Variants in AKNA observed in about 807,000 individuals in gnomAD.
AKNA encodes microtubule organization protein AKNA.
Under a neutral mutation model 138.8 loss-of-function variants are expected in AKNA, and 67 were observed. That is an observed-to-expected ratio of 0.48 (90% CI 0.40 to 0.59). The LOEUF (loss-of-function observed/expected upper bound fraction) is 0.59, where lower values mean the gene tolerates loss of function less well. Ranked by LOEUF, AKNA falls within the 20% of genes least tolerant of loss-of-function variation. The pLI, the probability that AKNA is intolerant of heterozygous loss-of-function variation, is 0.00. For missense variants in AKNA, 1,813 were observed against 1,880.4 expected, an observed-to-expected ratio of 0.96 and a Z score of 0.66; for synonymous variants, 737 against 754.4, an observed-to-expected ratio of 0.98 and a Z score of 0.38.
intron 4 of AKNA, among the ~76,000 whole-genome samples, chr9:114,373,885 C>CAAAAAAA (rs758805914): frequency 6.3e-5 from 5 of 78,998 alleles, no homozygotes; most frequent in East Asian, 3.7e-4. Context: ...GACCCTGACT[C>CAAAAAAA]AAAAAAAAAA....
rs1312659281 is a variant in AKNA at position 114,336,550 on chromosome 9, C to T, written c.*504G>A. The T allele has an allele frequency of 6.5e-6, 1 of 153,882 alleles. No homozygotes were observed. The highest frequency in any genetic ancestry group is 1.4e-5 in the Non-Finnish European group (1 of 69,218). The allele number at this position is 153,882 out of a possible 1,614,324, so 9.5% of individuals were successfully genotyped here. A position where few individuals can be genotyped will look rare whatever the true frequency, so the allele number is the denominator to read the frequency against. On this transcript the variant is annotated 3_prime_UTR_variant, in exon 22 of 22. Transcript: ENST00000374088. ...CTAAAATGCCCCACTGACTACCAGT[C>T]ACTAGGAGAAAGGTCTCCGGCTATG... is the stretch of plus-strand genomic sequence containing the variant.
chr9:114,381,280 G>A lies in AKNA; in HGVS notation c.54C>T (p.Gly18=), dbSNP rs373317624. The A allele has an allele frequency of 1.2e-6, 2 of 1,612,084 alleles. No homozygotes were observed. The highest frequency in any genetic ancestry group is 2.7e-5 in the African/African-American group (2 of 74,858). ...IRWAEPGLGK[G]PQRRRWAWAE... ...CCCAGGCCCAGCGCCGCCGCTGGGG[G>A]CCCTTCCCCAGGCCAGGCTCAGCCC... is the stretch of plus-strand genomic sequence containing the variant. Residue 18 remains glycine, a synonymous_variant, in exon 2 of 22, where the codon GGC becomes GGT. Transcript: ENST00000374088.
chr9:114,381,823 G>A (rs1367588288), intron 1 of AKNA, among the ~76,000 whole-genome samples: 1 of 151,960 alleles, frequency 6.6e-6, no homozygotes, highest in African/African-American at 2.4e-5. Flanking sequence ...ACCACACCCG[G>A]CTAATTTTTG....
rs1829919792 is a variant in AKNA, at chr9:114,334,402, G to T, written c.*2652C>A. ...GGCCAGGACAGGGCAGGGCAGGGAA[G>T]GGCTGGGGTGATGCAGAGGGCTTGG... On this transcript the variant is annotated 3_prime_UTR_variant, in exon 22 of 22. Coordinates refer to ENST00000374088, the MANE Select transcript of AKNA (RefSeq NM_001317950.2). The T allele has an allele frequency of 6.8e-6, 1 of 148,026 alleles. No homozygotes were observed. Among genetic ancestry groups the T allele is most frequent in the Non-Finnish European group, 1.4e-5 (1 of 72,274 alleles). The allele number at this position is 148,026 out of a possible 1,614,324, so 9.2% of individuals were successfully genotyped here.
Position 114,367,660 on chromosome 9 carries a change from C to T in AKNA, c.1611G>A (p.Ser537=), listed in dbSNP as rs146163104. ...ACCCCAGGGTGGGCATGCTGGTAAG[C>T]GAGGAGGGGCTCAAGTCTCCTCGAG... ...PSARGDLSPS[S]LTSMPTLGWL... The change falls in exon 6 of 22, where the codon TCG becomes TCA. Residue 537 remains serine (S), a synonymous_variant. Transcript: ENST00000374088. 38 of 1,595,418 alleles carry T rather than the reference C, an allele frequency of 2.4e-5. No individual in the cohort carries two copies. Among genetic ancestry groups the T allele is most frequent in the Middle Eastern group, 1.7e-4 (1 of 6,014 alleles).
chr9:114,343,806 G>A lies in AKNA; in HGVS notation c.3662-3C>T. ...GGACAGAACATGGTATTCGTGGCCT[G>A]GGGAAAGAAACCAGAACTGTCAGTA... On this transcript the variant is annotated splice_region_variant and splice_polypyrimidine_tract_variant and intron_variant, in intron 18 of 21. Transcript: ENST00000374088. 2 of 1,604,050 alleles carry A rather than the reference G, an allele frequency of 1.2e-6. No individual in the cohort carries two copies. Among genetic ancestry groups the A allele is most frequent in the Non-Finnish European group, 1.7e-6 (2 of 1,171,932 alleles).
At chr9:114,340,521 C>T (rs889421236) in intron 21 of AKNA, among the ~76,000 whole-genome samples, 22 of 152,216 alleles carry the variant, frequency 1.4e-4, no homozygotes, top group African/African-American at 4.8e-4. Context: ...CCAAATGGCA[C>T]CACAAACTCC....
At chr9:114,369,892 C>A (rs1832643223) in intron 4 of AKNA, among the ~76,000 whole-genome samples, 1 of 152,222 alleles carries the variant, frequency 6.6e-6, no homozygotes, top group Non-Finnish European at 1.5e-5. Flanking sequence ...TCATAACCAT[C>A]ACCGTCATCA....
intron 1 of AKNA, among the ~76,000 whole-genome samples, chr9:114,393,309 G>A (rs960318832): frequency 1.3e-5 from 2 of 150,128 alleles, no homozygotes; most frequent in Non-Finnish European, 3.0e-5. Context: ...TCCGCCTCCC[G>A]GGTTCATGCC....
intron 13 of AKNA, among the ~76,000 whole-genome samples, chr9:114,356,431 G>T (rs187062473): frequency 3.3e-5 from 5 of 152,168 alleles, no homozygotes; most frequent in Non-Finnish European, 7.4e-5. Flanking sequence ...GTTGCCATGT[G>T]GGCCTCCTGA....
upstream of AKNA, among the ~76,000 whole-genome samples, chr9:114,391,296 G>A (rs541911491): frequency 1.8e-4 from 28 of 152,334 alleles, no homozygotes; most frequent in Non-Finnish European, 3.5e-4. Flanking sequence ...ATAAAATCGA[G>A]AGTGGAGCTT....
Position 114,376,451 on chromosome 9 carries a change from A to C in AKNA, c.1341+15T>G. 6.2e-7 allele frequency: 1 copy of C among 1,613,596 alleles called. No homozygotes were observed. The highest frequency in any genetic ancestry group is 1.1e-5 in the South Asian group (1 of 91,068). ...GGGCCTTGGTGACACATCCACAGCC[A>C]TGAGTCCCACTAACCTGGAGCTGAT... On this transcript the variant is annotated intron_variant, in intron 3 of 21. Coordinates refer to ENST00000374088, the MANE Select transcript of AKNA (RefSeq NM_001317950.2).
rs145141930 is a variant in AKNA at position 114,361,145 on chromosome 9, C to T, written c.2124+559G>A. 2.1e-3 allele frequency among the ~76,000 whole-genome samples: 324 copies of T among 152,298 alleles called. 3 individuals carry two copies. In the Middle Eastern group the frequency reaches 0.037, roughly 18 times the overall value. ...GCAGAGTTTAAGGCCATGCTCTCTA[C>T]GTGACCCACAAGCCCCTACATCATG... On this transcript the variant is annotated intron_variant, in intron 9 of 21. Coordinates refer to ENST00000374088, the MANE Select transcript of AKNA (RefSeq NM_001317950.2).
At chr9:114,330,762 G>A (rs1360191119), downstream of AKNA, 2 of 1,611,430 alleles carry the variant, frequency 1.2e-6, no homozygotes, top group Non-Finnish European at 8.5e-7. Context: ...TAACATTACT[G>A]TTTTTCTTCC....
At chr9:114,395,167 C>T (rs1834493849), upstream of AKNA, among the ~76,000 whole-genome samples, 1 of 152,108 alleles carries the variant, frequency 6.6e-6, no homozygotes, top group Non-Finnish European at 1.5e-5. Context: ...TAGATCAGCC[C>T]TTTGCTGTTT....
intron 17 of AKNA, 53 bp from the exon 18 acceptor site, chr9:114,346,062 T>C (rs2131816557): frequency 6.4e-7 from 1 of 1,570,102 alleles, no homozygotes; most frequent in Non-Finnish European, 8.7e-7. Flanking sequence ...GGGTCACATT[T>C]CTCAAGGAGT....
rs1312562484 is a variant in AKNA at position 114,337,172 on chromosome 9, G to T, written c.4202C>A (p.Ala1401Asp). Reference sequence around the variant, plus strand: ...GGCAGCCTGCACGGCCCGGCTCAGGGCCTTGTTGAGCTCCTCTAGGTCGCC... The same window carrying T: ...GGCAGCCTGCACGGCCCGGCTCAGGTCCTTGTTGAGCTCCTCTAGGTCGCC... ...DLGDLEELNKALSRAVQAAES... is the reference protein window; with the variant it reads ...DLGDLEELNKDLSRAVQAAES... Residue 1401 changes from alanine to aspartate, a missense_variant, in exon 22 of 22, where the codon GCC becomes GAC. Transcript: ENST00000374088. The T allele has an allele frequency of 1.2e-6, 2 of 1,610,682 alleles. No homozygotes were observed. Among genetic ancestry groups the T allele is most frequent in the Admixed American group, 3.3e-5 (2 of 59,850 alleles).
intron 3 of AKNA, 94 bp from the exon 4 acceptor site, chr9:114,374,261 G>T: frequency 8.1e-7 from 1 of 1,227,234 alleles, no homozygotes. Context: ...CTTCCATAAG[G>T]GCTTCTGGGT....
rs1309875082 is a variant in AKNA at position 114,381,463 on chromosome 9, C to A, written c.-113-17G>T. The A allele has an allele frequency of 1.4e-6, 2 of 1,417,446 alleles. No homozygotes were observed. Among genetic ancestry groups the A allele is most frequent in the Admixed American group, 6.1e-5 (2 of 32,666 alleles). 87.8% of individuals were successfully genotyped at this position (1,417,446 alleles called of 1,614,324 possible). A position where few individuals can be genotyped will look rare whatever the true frequency, so the allele number is the denominator to read the frequency against. On this transcript the variant is annotated splice_polypyrimidine_tract_variant and intron_variant, in intron 1 of 21. Coordinates refer to ENST00000374088, the MANE Select transcript of AKNA (RefSeq NM_001317950.2). ...GCCTGTGCCCTGTCAGGGACACATT[C>A]AAGAGAGAACATTAATCAATCCTGA...
Sources: gnomAD v4.1 joint callset for allele counts (sites outside exome capture counted in the v4.1 genomes callset) on GRCh38, gnomAD v4.1.1 for gene constraint, MANE v1.5 for transcripts, NCBI Gene and HGNC (gene_info 2026-07-23, HGNC 2026-07-21) for gene names.